Variants in RBFOX1 observed in about 807,000 individuals in gnomAD.
RBFOX1 encodes RNA binding protein fox-1 homolog 1.
Under a neutral mutation model 57.7 loss-of-function variants are expected in RBFOX1, and 8 were observed. The observed-to-expected ratio is 0.14, with a 90% CI of 0.08 to 0.25. The LOEUF (loss-of-function observed/expected upper bound fraction) is 0.25, where lower values mean the gene tolerates loss of function less well. Ranked by LOEUF, RBFOX1 falls within the 10% of genes least tolerant of loss-of-function variation. The pLI is 1.00. For missense variants in RBFOX1, 611 were observed against 548.5 expected, an observed-to-expected ratio of 1.11 and a Z score of -1.14; for synonymous variants, 326 against 222.4, an observed-to-expected ratio of 1.47 and a Z score of -4.15.
At chr16:6,783,971 C>G (rs546790946) in intron 3 of RBFOX1, among the ~76,000 whole-genome samples, 2 of 152,270 alleles carry the variant, frequency 1.3e-5, no homozygotes, top group South Asian at 4.2e-4. Flanking sequence ...CCCACTCCCT[C>G]ATGGCCTATA....
chr16:6,845,332 A>G (rs1342750668), intron 3 of RBFOX1, among the ~76,000 whole-genome samples: 1 of 150,940 alleles, frequency 6.6e-6, no homozygotes, highest in Non-Finnish European at 1.5e-5. Context: ...TTAACTCTTT[A>G]ATCTTTCTTG....
At chr16:7,105,218 C>T (rs1009154114) in intron 4 of RBFOX1, among the ~76,000 whole-genome samples, 3 of 152,030 alleles carry the variant, frequency 2.0e-5, no homozygotes, top group Admixed American at 2.0e-4. Flanking sequence ...TGGAGATTGG[C>T]CAGGTCTGGG....
intron 1 of RBFOX1, among the ~76,000 whole-genome samples, chr16:5,338,669 A>G (rs1275312894): frequency 1.3e-5 from 2 of 152,134 alleles, no homozygotes; most frequent in East Asian, 1.9e-4. Context: ...TTTAGATAGG[A>G]TCTCTTTGTC....
chr16:5,500,744 G>C (rs2043165931), intron 2 of RBFOX1, among the ~76,000 whole-genome samples: 1 of 152,182 alleles, frequency 6.6e-6, no homozygotes, highest in Non-Finnish European at 1.5e-5. Flanking sequence ...TCTTAGTGCA[G>C]CCTCTAATTC....
intron 2 of RBFOX1, among the ~76,000 whole-genome samples, chr16:6,471,948 G>T (rs569081562): frequency 6.6e-6 from 1 of 152,146 alleles, no homozygotes; most frequent in South Asian, 2.1e-4. Context: ...AACTTCCCCC[G>T]TCTCTGTCTG....
intron 2 of RBFOX1, among the ~76,000 whole-genome samples, chr16:6,367,254 G>GTTTTGTTTTGT (rs71145220): frequency 0.017 from 2,575 of 150,082 alleles, 27 homozygotes; most frequent in Non-Finnish European, 0.021. Context: ...TTCTTTGTTT[G>GTTTTGTTTTGT]TTTGTTTTGT....
At chr16:6,854,365 G>C (rs931684556) in intron 3 of RBFOX1, among the ~76,000 whole-genome samples, 1 of 152,008 alleles carries the variant, frequency 6.6e-6, no homozygotes, top group African/African-American at 2.4e-5. Context: ...AAGGGCTTAA[G>C]GGGTTAATTA....
intron 4 of RBFOX1, among the ~76,000 whole-genome samples, chr16:7,169,910 A>C (rs2080342278): frequency 6.6e-6 from 1 of 152,002 alleles, no homozygotes; most frequent in African/African-American, 2.4e-5. Flanking sequence ...ATCTCTACAA[A>C]AAAAATAAAA....
At chr16:5,262,364 C>A (rs1388409979) in intron 1 of RBFOX1, among the ~76,000 whole-genome samples, 2 of 152,112 alleles carry the variant, frequency 1.3e-5, no homozygotes, top group African/African-American at 4.8e-5. Flanking sequence ...ATTGTCCTCC[C>A]CAATGTGGGT....
intron 3 of RBFOX1, among the ~76,000 whole-genome samples, chr16:6,697,165 C>T (rs534296033): frequency 6.6e-6 from 1 of 152,122 alleles, no homozygotes; most frequent in African/African-American, 2.4e-5. Context: ...AGGGCCTCTA[C>T]CTTGGTGGTG....
chr16:5,280,029 A>T (rs2063234234), intron 1 of RBFOX1, among the ~76,000 whole-genome samples: 1 of 152,186 alleles, frequency 6.6e-6, no homozygotes, highest in South Asian at 2.1e-4. Flanking sequence ...CTTAGAGGAA[A>T]GGCTTTTCAA....
intron 1 of RBFOX1, among the ~76,000 whole-genome samples, chr16:5,376,699 A>T (rs12935372): frequency 0.25 from 36,522 of 148,644 alleles, 5,618 homozygotes; most frequent in African/African-American, 0.41. Context: ...GTCCCCTTGG[A>T]ACTCATCGTC....
intron 3 of RBFOX1, among the ~76,000 whole-genome samples, chr16:5,829,805 G>T (rs2056200608): frequency 6.6e-6 from 1 of 152,174 alleles, no homozygotes; most frequent in South Asian, 2.1e-4. Flanking sequence ...AGCAACTACA[G>T]AATCAAAGAG....
intron 4 of RBFOX1, among the ~76,000 whole-genome samples, chr16:5,991,547 A>T (rs2060397096): frequency 6.6e-6 from 1 of 152,088 alleles, no homozygotes. Context: ...GCTGGATAGG[A>T]GCTGGGAGAT....
chr16:5,680,991 A>G (rs915220396), intron 3 of RBFOX1, among the ~76,000 whole-genome samples: 4 of 152,244 alleles, frequency 2.6e-5, no homozygotes, highest in African/African-American at 2.4e-5. Context: ...TTTAAGTGCC[A>G]TAAAAGAAAG....
intron 5 of RBFOX1, among the ~76,000 whole-genome samples, chr16:7,531,424 A>C (rs2080045592): frequency 6.6e-6 from 1 of 152,200 alleles, no homozygotes; most frequent in South Asian, 2.1e-4. Flanking sequence ...AGCATCCAGA[A>C]GAGGCAGGGA....
chr16:6,558,750 A>G (rs984047092), intron 2 of RBFOX1, among the ~76,000 whole-genome samples: 1 of 152,072 alleles, frequency 6.6e-6, no homozygotes, highest in Non-Finnish European at 1.5e-5. Flanking sequence ...TGTTTCAGCT[A>G]AGATGATTAA....
intron 2 of RBFOX1, among the ~76,000 whole-genome samples, chr16:6,621,293 G>C (rs11860068): frequency 0.28 from 42,553 of 151,834 alleles, 6,126 homozygotes; most frequent in Non-Finnish European, 0.29. Flanking sequence ...AACCCCGTCT[G>C]TACTAAAAAT....
At chr16:6,000,260 C>G (rs868360569) in intron 4 of RBFOX1, among the ~76,000 whole-genome samples, 5 of 152,160 alleles carry the variant, frequency 3.3e-5, no homozygotes, top group African/African-American at 1.2e-4. Flanking sequence ...AGTAGTGGGA[C>G]AAACCGTAGA....
Sources: allele counts gnomAD v4.1 joint callset (sites outside exome capture counted in the v4.1 genomes callset), GRCh38; gene constraint gnomAD v4.1.1; transcripts MANE v1.5; gene names NCBI Gene and HGNC (gene_info 2026-07-23, HGNC 2026-07-21).